The following PDE4D variants were observed in gnomAD, a reference collection of about 807,000 sequenced individuals.
PDE4D encodes 3',5'-cyclic-AMP phosphodiesterase 4D.
Under a neutral mutation model 87.4 loss-of-function variants are expected in PDE4D, and 24 were observed. That is an observed-to-expected ratio of 0.27 (90% CI 0.20 to 0.39). The LOEUF (loss-of-function observed/expected upper bound fraction) is 0.39, where lower values mean the gene tolerates loss of function less well. Ranked by LOEUF, PDE4D falls within the 10% of genes least tolerant of loss-of-function variation. The pLI, the probability that PDE4D is intolerant of heterozygous loss-of-function variation, is 1.00. For missense variants in PDE4D, 714 were observed against 1,041.0 expected, an observed-to-expected ratio of 0.69 and a Z score of 4.32; for synonymous variants, 384 against 383.2, an observed-to-expected ratio of 1.00 and a Z score of -0.02.
chr5:60,241,123 A>C (rs1458338847), intron 1 of PDE4D, among the ~76,000 whole-genome samples: 2 of 152,124 alleles, frequency 1.3e-5, no homozygotes, highest in Non-Finnish European at 2.9e-5. Context: ...AAAGAAATTC[A>C]AGATAATACA....
At chr5:59,897,501 T>A (rs984609785), upstream of PDE4D, among the ~76,000 whole-genome samples, 1 of 152,108 alleles carries the variant, frequency 6.6e-6, no homozygotes, top group Non-Finnish European at 1.5e-5. Flanking sequence ...GTGCTCAATG[T>A]GCAGGTTTGT....
intron 1 of PDE4D, among the ~76,000 whole-genome samples, chr5:59,254,495 G>C (rs1383345487): frequency 6.6e-6 from 1 of 151,964 alleles, no homozygotes; most frequent in East Asian, 1.9e-4. Flanking sequence ...ATGGCAAGAA[G>C]AGTGCTTGTA....
At chr5:59,490,304 T>G (rs1433693971) in intron 1 of PDE4D, among the ~76,000 whole-genome samples, 1 of 152,210 alleles carries the variant, frequency 6.6e-6, no homozygotes. Flanking sequence ...TACCACTGCA[T>G]GCAAAATAGC....
intron 2 of PDE4D, among the ~76,000 whole-genome samples, chr5:60,093,316 A>G (rs1041397038): frequency 6.6e-6 from 1 of 152,144 alleles, no homozygotes; most frequent in Non-Finnish European, 1.5e-5. Context: ...CGTGGACACC[A>G]TGTTGTTCTG....
intron 2 of PDE4D, among the ~76,000 whole-genome samples, chr5:59,993,924 TGACA>T (rs1189413629): frequency 1.3e-5 from 2 of 152,044 alleles, no homozygotes; most frequent in African/African-American, 4.8e-5. Flanking sequence ...ATGGAATAAT[TGACA>T]GACAAATAAC....
chr5:59,590,776 T>C (rs562053573), intron 1 of PDE4D, among the ~76,000 whole-genome samples: 4 of 152,094 alleles, frequency 2.6e-5, no homozygotes, highest in Non-Finnish European at 5.9e-5. Flanking sequence ...TACCCTTAAA[T>C]GAGGCTGATT....
chr5:60,510,928 T>C (rs894801558), intron 1 of PDE4D, among the ~76,000 whole-genome samples: 1 of 152,138 alleles, frequency 6.6e-6, no homozygotes, highest in African/African-American at 2.4e-5. Flanking sequence ...AGCTTTCACA[T>C]GCTTGAAATT....
At chr5:60,103,576 G>C (rs1260427055) in intron 2 of PDE4D, among the ~76,000 whole-genome samples, 1 of 152,136 alleles carries the variant, frequency 6.6e-6, no homozygotes, top group East Asian at 1.9e-4. Flanking sequence ...AATACATGTA[G>C]TGACCTGTTG....
intron 1 of PDE4D, among the ~76,000 whole-genome samples, chr5:59,694,744 A>C (rs1422978005): frequency 1.3e-5 from 2 of 152,082 alleles, no homozygotes; most frequent in Non-Finnish European, 2.9e-5. Flanking sequence ...AGGACCATGG[A>C]TCTACGGTGA....
At chr5:59,528,265 T>G (rs1813524678) in intron 1 of PDE4D, among the ~76,000 whole-genome samples, 1 of 152,178 alleles carries the variant, frequency 6.6e-6, no homozygotes, top group African/African-American at 2.4e-5. Flanking sequence ...AGTGACAATC[T>G]TTATTATGGA....
chr5:59,983,182 A>T (rs1223297270), intron 3 of PDE4D, among the ~76,000 whole-genome samples: 1 of 151,908 alleles, frequency 6.6e-6, no homozygotes, highest in Non-Finnish European at 1.5e-5. Flanking sequence ...CTTCATTCTC[A>T]ACTCTTCTCT....
chr5:59,669,638 C>T (rs931441188), intron 1 of PDE4D, among the ~76,000 whole-genome samples: 1 of 152,034 alleles, frequency 6.6e-6, no homozygotes, highest in Non-Finnish European at 1.5e-5. Context: ...TGCTGAGAGT[C>T]CTAGTCTAGG....
chr5:59,066,880 A>G (rs966526285), intron 5 of PDE4D, among the ~76,000 whole-genome samples: 1 of 152,038 alleles, frequency 6.6e-6, no homozygotes, highest in Non-Finnish European at 1.5e-5. Context: ...TGACCCAGGA[A>G]ATGAGCCCTC....
At chr5:59,559,507 G>T (rs186334173) in intron 1 of PDE4D, among the ~76,000 whole-genome samples, 133 of 152,222 alleles carry the variant, frequency 8.7e-4, no homozygotes, top group African/African-American at 3.0e-3. Flanking sequence ...TAACTTCAAA[G>T]CCCCTAAGCC....
intron 1 of PDE4D, among the ~76,000 whole-genome samples, chr5:60,472,880 A>G (rs1374069187): frequency 2.0e-5 from 3 of 152,176 alleles, no homozygotes; most frequent in East Asian, 1.9e-4. Flanking sequence ...ATTTTCCCCA[A>G]CTGCAAGCTA....
intron 5 of PDE4D, among the ~76,000 whole-genome samples, chr5:59,157,740 C>T (rs1780469996): frequency 6.6e-6 from 1 of 152,124 alleles, no homozygotes; most frequent in African/African-American, 2.4e-5. Flanking sequence ...TAATACTTCT[C>T]CCTCCAATTC....
At chr5:59,236,671 A>G (rs1420566223) in intron 1 of PDE4D, among the ~76,000 whole-genome samples, 2 of 152,072 alleles carry the variant, frequency 1.3e-5, no homozygotes, top group African/African-American at 4.8e-5. Flanking sequence ...TCACCAGGCT[A>G]TATTACACCA....
intron 1 of PDE4D, among the ~76,000 whole-genome samples, chr5:59,664,743 A>G (rs571571152): frequency 4.6e-5 from 7 of 152,348 alleles, no homozygotes; most frequent in African/African-American, 1.7e-4. Flanking sequence ...AACATGAAAA[A>G]CATAAATAGT....
At chr5:59,389,408 C>T (rs1395507372) in intron 1 of PDE4D, among the ~76,000 whole-genome samples, 1 of 151,676 alleles carries the variant, frequency 6.6e-6, no homozygotes. Context: ...ATTTTCAGTT[C>T]TTCAGCTAGG....
Sources: allele counts gnomAD v4.1 joint callset (sites outside exome capture counted in the v4.1 genomes callset), GRCh38; gene constraint gnomAD v4.1.1; transcripts MANE v1.5; gene names NCBI Gene and HGNC (gene_info 2026-07-23, HGNC 2026-07-21).